The following PRC1 variants were observed in gnomAD, a reference collection of about 807,000 sequenced individuals.
PRC1 encodes the protein anaphase spindle elongation 1 homolog.
In PRC1, 54 loss-of-function variants were observed where a neutral mutation model predicts 91.2. The observed-to-expected ratio is 0.59, with a 90% CI of 0.48 to 0.74. The LOEUF is 0.74. Among genes scored for constraint, PRC1 ranks in the 30% least tolerant of loss-of-function variants. The pLI, the probability that PRC1 is intolerant of heterozygous loss-of-function variation, is 0.00. For synonymous variants in PRC1, 275 were observed against 263.6 expected, an observed-to-expected ratio of 1.04 and a Z score of -0.42; for missense variants, 727 against 746.2, an observed-to-expected ratio of 0.97 and a Z score of 0.30.
chr15:90,980,704 C>T (rs1388095478), intron 6 of PRC1, among the ~76,000 whole-genome samples, 180 bp downstream of exon 6: 1 of 151,846 alleles, frequency 6.6e-6, no homozygotes, highest in Non-Finnish European at 1.5e-5. Context: ...CAGGGTTTCG[C>T]CATGTTGTCC....
At chr15:90,976,193 A>C (rs954625769) in intron 9 of PRC1, among the ~76,000 whole-genome samples, 36 of 152,016 alleles carry the variant, frequency 2.4e-4, no homozygotes, top group Non-Finnish European at 4.4e-4. Context: ...GGTTCAAGTG[A>C]TTCTCCTGCC....
chr15:90,968,142 C>CA, intron 14 of PRC1: 1 of 985,452 alleles, frequency 1.0e-6, no homozygotes. Flanking sequence ...ACTAGCCACA[C>CA]AGATAGGCAG....
chr15:90,974,311 G>A lies in PRC1; in HGVS notation c.1351-65C>T, dbSNP rs942745136. 8.9e-5 allele frequency: 125 copies of A among 1,397,672 alleles called. 1 individual carries two copies. The highest frequency in any genetic ancestry group is 1.2e-4 in the Non-Finnish European group (115 of 989,676). 86.6% of individuals were successfully genotyped at this position (1,397,672 alleles called of 1,614,324 possible). A position where few individuals can be genotyped will look rare whatever the true frequency, so the allele number is the denominator to read the frequency against. ...AGAGAGCGGGTCTGGGATGGCAACA[G>A]CAGCAGGGCCGGGAATCTAGGCCCG... On this transcript the variant is annotated intron_variant, in intron 10 of 14. Transcript: ENST00000394249. The surrounding 1 kb of genome is among the most constrained non-coding windows in gnomAD (Gnocchi z 4.6).
intron 11 of PRC1, among the ~76,000 whole-genome samples, chr15:90,972,099 G>GGAAGTCAA: frequency 2.0e-5 from 3 of 150,890 alleles, no homozygotes; most frequent in South Asian, 2.1e-4. Context: ...CCAGCACTTT[G>GGAAGTCAA]GGAGGCTGAG....
intron 1 of PRC1, among the ~76,000 whole-genome samples, chr15:90,986,461 A>G (rs2039581890): frequency 6.6e-6 from 1 of 152,176 alleles, no homozygotes; most frequent in South Asian, 2.1e-4. Context: ...TGTCTCTACT[A>G]AAAACACAAA....
At chr15:90,978,825 G>A (rs2038956101) in intron 8 of PRC1, among the ~76,000 whole-genome samples, 1 of 148,950 alleles carries the variant, frequency 6.7e-6, no homozygotes. Flanking sequence ...CCCTGAAGAT[G>A]AGGTCCACCC....
chr15:90,991,825 C>T (rs545656272), intron 1 of PRC1, among the ~76,000 whole-genome samples: 87 of 152,216 alleles, frequency 5.7e-4, no homozygotes, highest in African/African-American at 1.7e-3. Flanking sequence ...TCGAAGCTGG[C>T]CTCCTTAAGT....
chr15:90,972,637 G>A (rs1165012283), intron 11 of PRC1, among the ~76,000 whole-genome samples: 1 of 152,024 alleles, frequency 6.6e-6, no homozygotes, highest in Admixed American at 6.6e-5. Context: ...TACTTGGGAG[G>A]CTGAGGCAGG....
At chr15:90,983,843 C>A (rs963005174) in intron 3 of PRC1, 175 bp downstream of exon 3, 9 of 787,802 alleles carry the variant, frequency 1.1e-5, no homozygotes, top group African/African-American at 1.7e-5. Context: ...CAACTCTCTA[C>A]AGAGGTGAGA....
intron 9 of PRC1, 43 bp downstream of exon 9, chr15:90,976,633 A>G (rs1337009079): frequency 7.0e-7 from 1 of 1,420,848 alleles, no homozygotes; most frequent in Non-Finnish European, 9.9e-7. Flanking sequence ...ATAGTGAGGT[A>G]TCTTTGTAAC....
chr15:90,974,812 ACTC>A lies in PRC1; in HGVS notation c.1204-84_1204-82del. ...AATGAAATGATTTCCCTAGAGAGTG[ACTC>A]CTCCTCCCCAGAGCATCATTAGCCT... On this transcript the variant is annotated intron_variant, in intron 9 of 14. Transcript: ENST00000394249. The surrounding 1 kb of genome is among the most constrained non-coding windows in gnomAD (Gnocchi z 4.6). 2 of 1,511,916 alleles carry A rather than the reference ACTC, an allele frequency of 1.3e-6. No individual in the cohort carries two copies. Among genetic ancestry groups the A allele is most frequent in the East Asian group, 2.3e-5 (1 of 44,256 alleles). The allele number at this position is 1,511,916 out of a possible 1,614,324, so 93.7% of individuals were successfully genotyped here. A position where few individuals can be genotyped will look rare whatever the true frequency, so the allele number is the denominator to read the frequency against.
intron 9 of PRC1, among the ~76,000 whole-genome samples, chr15:90,976,078 G>GTT (rs991373809): frequency 6.6e-6 from 1 of 152,072 alleles, no homozygotes; most frequent in Non-Finnish European, 1.5e-5. Flanking sequence ...AGTCCGTAGT[G>GTT]TTTTGTTTTT....
chr15:90,968,630 C>A (rs1477292730), intron 14 of PRC1: 21 of 1,000,274 alleles, frequency 2.1e-5, no homozygotes, highest in Middle Eastern at 5.1e-4. Context: ...TCAGCATTAG[C>A]TAGCTGAGAA....
intron 14 of PRC1, chr15:90,968,076 G>A: frequency 1.0e-6 from 1 of 985,474 alleles, no homozygotes; most frequent in Non-Finnish European, 1.2e-6. Context: ...CGGCTTTGGT[G>A]CTGCCTGGTG....
chr15:90,970,634 A>G, intron 11 of PRC1, 120 bp from the exon 12 acceptor site: 1 of 702,906 alleles, frequency 1.4e-6, no homozygotes, highest in Non-Finnish European at 2.5e-6. Context: ...ACGGGTTTAC[A>G]TGGTGAAGGG....
chr15:90,982,016 C>T, intron 3 of PRC1, 35 bp from the exon 4 acceptor site: 1 of 1,572,738 alleles, frequency 6.4e-7, no homozygotes, highest in Non-Finnish European at 8.7e-7. Context: ...TATAAGATTC[C>T]AAGTGAATTC....
intron 11 of PRC1, chr15:90,973,107 G>A (rs1567183875): frequency 6.6e-6 from 1 of 152,298 alleles, no homozygotes; most frequent in Non-Finnish European, 1.5e-5. Context: ...AGGGCAAGAG[G>A]TAGGGAAAAG....
intron 7 of PRC1, 80 bp from the exon 8 acceptor site, chr15:90,979,374 A>T (rs2039000082): frequency 1.4e-6 from 2 of 1,451,886 alleles, no homozygotes; most frequent in South Asian, 2.5e-5. Context: ...GATTCCCTAA[A>T]ATGGAAATAG....
At position 90,967,138 on chromosome 15, in the gene PRC1, T is replaced by G; in HGVS notation, c.1856A>C (p.Gln619Pro). The change falls in exon 15 of 15, where the codon CAG becomes CCG. Residue 619 changes from glutamine to proline, a missense_variant. Coordinates refer to ENST00000394249, the MANE Select transcript of PRC1 (RefSeq NM_003981.4). Reference sequence around the variant, plus strand: ...TTGACTGATCAGGGCTTCTCAGGACTGGATGTTGGTTGAATTGAGGATTCC... The same window carrying G: ...TTGACTGATCAGGGCTTCTCAGGACGGGATGTTGGTTGAATTGAGGATTCC... Reference protein sequence around the residue: ...TSGILNSTNIQS With the variant: ...TSGILNSTNIPS The G allele has an allele frequency of 6.2e-7, 1 of 1,613,776 alleles. No homozygotes were observed. The highest frequency in any genetic ancestry group is 8.5e-7 in the Non-Finnish European group (1 of 1,179,628).
Sources: gnomAD v4.1 joint callset for allele counts (sites outside exome capture counted in the v4.1 genomes callset) on GRCh38, gnomAD v4.1.1 for gene constraint, Gnocchi (gnomAD v3.1) non-coding constraint, MANE v1.5 for transcripts, NCBI Gene and HGNC (gene_info 2026-07-23, HGNC 2026-07-21) for gene names.